ATOSA: variants seen among roughly 807,000 people sequenced by gnomAD.
ATOSA encodes the protein atos homolog A.
chr15:52,690,783 CTG>C, the ATOSA span, among the ~76,000 whole-genome samples: 1 of 152,138 alleles, frequency 6.6e-6, no homozygotes, highest in South Asian at 2.1e-4. Context: ...TTTCCTCATC[CTG>C]AGTAAAAGAT....
chr15:52,665,149 A>G, the ATOSA span, among the ~76,000 whole-genome samples: 606 of 152,296 alleles, frequency 4.0e-3, 1 homozygote, highest in African/African-American at 0.014. Context: ...AAAAATACCT[A>G]TGGGTACTAT....
At chr15:52,607,181 T>C in the ATOSA span, among the ~76,000 whole-genome samples, 5 of 152,174 alleles carry the variant, frequency 3.3e-5, no homozygotes, top group East Asian at 7.7e-4. Context: ...GCCTAAACTA[T>C]GAAGCCAGGA....
At chr15:52,688,614 T>A in the ATOSA span, among the ~76,000 whole-genome samples, 1,741 of 152,250 alleles carry the variant, frequency 0.011, 30 homozygotes, top group African/African-American at 0.041. Context: ...CATATTACAT[T>A]TGAAAAACCA....
At chr15:52,675,179 A>G in the ATOSA span, among the ~76,000 whole-genome samples, 1 of 152,224 alleles carries the variant, frequency 6.6e-6, no homozygotes, top group Non-Finnish European at 1.5e-5. Flanking sequence ...GTACAGTAAA[A>G]TACTATCGTA....
At chr15:52,592,556 A>G in the ATOSA span, among the ~76,000 whole-genome samples, 5 of 152,210 alleles carry the variant, frequency 3.3e-5, no homozygotes, top group South Asian at 2.1e-4. Flanking sequence ...GCTCAACACT[A>G]TAACTCAGAG....
the ATOSA span, chr15:52,608,505 G>A: frequency 6.7e-7 from 1 of 1,492,826 alleles, no homozygotes; most frequent in East Asian, 2.3e-5. Flanking sequence ...GATCTCCTGT[G>A]AACAAAATTT....
At chr15:52,582,895 T>C in the ATOSA span, among the ~76,000 whole-genome samples, 2 of 152,278 alleles carry the variant, frequency 1.3e-5, no homozygotes, top group African/African-American at 4.8e-5. Flanking sequence ...TGCTAATATC[T>C]GTAATACAGT....
At chr15:52,601,608 AC>A in the ATOSA span, among the ~76,000 whole-genome samples, 1 of 151,860 alleles carries the variant, frequency 6.6e-6, no homozygotes, top group African/African-American at 2.4e-5. Flanking sequence ...TGCCCATTCC[AC>A]CTACTGCAAC....
chr15:52,609,268 A>G, the ATOSA span: 1 of 1,613,882 alleles, frequency 6.2e-7, no homozygotes, highest in Non-Finnish European at 8.5e-7. Context: ...GTCTCCTAAC[A>G]AGGAACATTT....
the ATOSA span, among the ~76,000 whole-genome samples, chr15:52,698,102 G>A: frequency 7.9e-4 from 119 of 150,314 alleles, no homozygotes; most frequent in African/African-American, 2.7e-3. Flanking sequence ...TCAGCCTCCC[G>A]AGTAGCTGGG....
the ATOSA span, chr15:52,582,051 G>C: frequency 1.9e-5 from 18 of 931,448 alleles, no homozygotes; most frequent in South Asian, 4.0e-4. Context: ...GATAACAGGA[G>C]AGAATCCACT....
chr15:52,591,884 C>G, the ATOSA span, among the ~76,000 whole-genome samples: 1 of 152,140 alleles, frequency 6.6e-6, no homozygotes, highest in African/African-American at 2.4e-5. Flanking sequence ...ATAACCTATG[C>G]TGGGCATCTT....
the ATOSA span, among the ~76,000 whole-genome samples, chr15:52,640,215 A>C: frequency 6.6e-6 from 1 of 152,144 alleles, no homozygotes; most frequent in Non-Finnish European, 1.5e-5. Flanking sequence ...ACTACTGTTA[A>C]CTAATCAAAT....
chr15:52,628,607 T>C, the ATOSA span, among the ~76,000 whole-genome samples: 1 of 152,214 alleles, frequency 6.6e-6, no homozygotes, highest in African/African-American at 2.4e-5. Context: ...TGATATAGTT[T>C]TTTAAAAACA....
At chr15:52,666,857 T>C in the ATOSA span, among the ~76,000 whole-genome samples, 148 of 151,886 alleles carry the variant, frequency 9.7e-4, no homozygotes, top group African/African-American at 3.4e-3. Context: ...ATGTAAGGAC[T>C]ATGAAGAGAG....
the ATOSA span, among the ~76,000 whole-genome samples, chr15:52,663,096 T>C: frequency 6.6e-6 from 1 of 152,212 alleles, no homozygotes; most frequent in African/African-American, 2.4e-5. Context: ...ACCCTTCCCA[T>C]TCACATTAGT....
chr15:52,631,901 C>A, the ATOSA span, among the ~76,000 whole-genome samples: 1 of 152,090 alleles, frequency 6.6e-6, no homozygotes, highest in East Asian at 1.9e-4. Context: ...TCATGCCCAG[C>A]TATTTTTTTA....
At chr15:52,668,006 C>T in the ATOSA span, among the ~76,000 whole-genome samples, 47 of 152,330 alleles carry the variant, frequency 3.1e-4, no homozygotes, top group African/African-American at 1.0e-3. Context: ...ATAGACATTC[C>T]TCAAAATATC....
At chr15:52,620,703 T>C in the ATOSA span, among the ~76,000 whole-genome samples, 6,034 of 152,182 alleles carry the variant, frequency 0.04, 334 homozygotes, top group African/African-American at 0.13. Flanking sequence ...AATCCCAGCA[T>C]ATTGGGAGGC....
Sources: gnomAD v4.1 joint callset for allele counts (sites outside exome capture counted in the v4.1 genomes callset) on GRCh38, gnomAD v4.1.1 for gene constraint, MANE v1.5 for transcripts, NCBI Gene and HGNC (gene_info 2026-07-23, HGNC 2026-07-21) for gene names.